The following LRRC4C variants were observed in gnomAD, a reference collection of about 807,000 sequenced individuals.
LRRC4C encodes the protein leucine-rich repeat-containing protein 4C.
LRRC4C carries 5 observed loss-of-function variants against 33.6 expected under a neutral mutation model. That is an observed-to-expected ratio of 0.15 (90% CI 0.08 to 0.31). The LOEUF is 0.31. Ranked by LOEUF, LRRC4C falls within the 10% of genes least tolerant of loss-of-function variation. LRRC4C has a pLI of 1.00. For missense variants in LRRC4C, 560 were observed against 796.7 expected, an observed-to-expected ratio of 0.70 and a Z score of 3.58; for synonymous variants, 329 against 302.0, an observed-to-expected ratio of 1.09 and a Z score of -0.93.
intron 5 of LRRC4C, among the ~76,000 whole-genome samples, chr11:40,214,247 TC>T (rs1863813767): frequency 6.6e-6 from 1 of 152,166 alleles, no homozygotes; most frequent in Non-Finnish European, 1.5e-5. Flanking sequence ...TCTTACACAT[TC>T]CCTCTGAAGC....
chr11:41,442,929 C>A (rs1374870542), intron 1 of LRRC4C, among the ~76,000 whole-genome samples: 1 of 152,014 alleles, frequency 6.6e-6, no homozygotes, highest in Non-Finnish European at 1.5e-5. Context: ...GCAGAAAATG[C>A]TTTTGAGGCA....
intron 5 of LRRC4C, among the ~76,000 whole-genome samples, chr11:40,230,832 C>A (rs932531992): frequency 1.3e-5 from 2 of 152,150 alleles, no homozygotes; most frequent in Non-Finnish European, 2.9e-5. Flanking sequence ...TTCTAGTCTT[C>A]TCTATTTAGT....
At chr11:40,570,162 A>G (rs1382669860) in intron 3 of LRRC4C, among the ~76,000 whole-genome samples, 12 of 152,154 alleles carry the variant, frequency 7.9e-5, no homozygotes, top group Non-Finnish European at 1.8e-4. Flanking sequence ...GAAAACATGT[A>G]CCAAAATAGT....
chr11:40,387,046 C>T (rs558952744), intron 3 of LRRC4C, among the ~76,000 whole-genome samples: 16 of 152,052 alleles, frequency 1.1e-4, no homozygotes, highest in Middle Eastern at 3.4e-3. Flanking sequence ...ACTTGGATGT[C>T]GTAATTTGGA....
intron 3 of LRRC4C, among the ~76,000 whole-genome samples, chr11:40,606,905 C>A (rs535373575): frequency 1.6e-4 from 24 of 152,032 alleles, no homozygotes; most frequent in African/African-American, 5.8e-4. Context: ...CACAGAGACA[C>A]GTTATAACAA....
chr11:40,670,837 C>G lies in LRRC4C; in HGVS notation c.-406-22559G>C, dbSNP rs144597431. Among the ~76,000 whole-genome samples the G allele has an allele frequency of 6.5e-3, 986 of 152,290 alleles. 6 individuals are homozygous for G. The highest frequency in any genetic ancestry group is 0.01 in the Non-Finnish European group (684 of 68,020). On this transcript the variant is annotated intron_variant, in intron 2 of 6. Transcript: ENST00000528697. The stretch of plus-strand genomic sequence containing the variant: ...GGAGTGCAGTGACGCATCCTCGGCT[C>G]ACTGCAAGCTCCGCCTCCCGGGTTC...
At chr11:40,488,581 CTTG>C (rs1181637552) in intron 3 of LRRC4C, among the ~76,000 whole-genome samples, 4 of 152,084 alleles carry the variant, frequency 2.6e-5, no homozygotes, top group South Asian at 2.1e-4. Context: ...TACATTTGAA[CTTG>C]TTGTCTGTGG....
At chr11:41,212,656 T>A (rs141663240) in intron 1 of LRRC4C, among the ~76,000 whole-genome samples, 142 of 152,112 alleles carry the variant, frequency 9.3e-4, no homozygotes, top group East Asian at 3.9e-3. Context: ...AGTGAGAACA[T>A]CCAGTGTTTG....
In LRRC4C at chr11:40,410,563, C is replaced by T. The variant is rs574338254; in HGVS notation, c.-269-90842G>A. ...TATATCTTATTGAGTTCATGTTTTC[C>T]GTTCTTTTTATTTCCCTGCTTCTCT... On this transcript the variant is annotated intron_variant, in intron 3 of 6. Coordinates refer to ENST00000528697, the MANE Select transcript of LRRC4C (RefSeq NM_001258419.2). Among the ~76,000 whole-genome samples, 63 of 152,046 alleles carry T rather than the reference C, an allele frequency of 4.1e-4. 1 individual carries two copies. In the South Asian group the frequency reaches 0.01, roughly 25 times the overall value.
chr11:40,675,773 C>A (rs1214261559), intron 2 of LRRC4C, among the ~76,000 whole-genome samples: 1 of 152,068 alleles, frequency 6.6e-6, no homozygotes, highest in Non-Finnish European at 1.5e-5. Flanking sequence ...CTTTTGAATG[C>A]CTAGGTATCT....
chr11:40,472,388 A>G (rs1952985677), intron 3 of LRRC4C, among the ~76,000 whole-genome samples: 1 of 150,650 alleles, frequency 6.6e-6, no homozygotes. Context: ...TTAAGACAGA[A>G]ATAAATAAGT....
intron 1 of LRRC4C, among the ~76,000 whole-genome samples, chr11:41,389,225 A>G (rs566544087): frequency 6.6e-6 from 1 of 151,956 alleles, no homozygotes; most frequent in East Asian, 2.0e-4. Flanking sequence ...ATCCATATAC[A>G]TGTAGGTCCC....
chr11:40,695,619 C>T (rs560470100), intron 2 of LRRC4C, among the ~76,000 whole-genome samples: 1 of 152,222 alleles, frequency 6.6e-6, no homozygotes, highest in African/African-American at 2.4e-5. Flanking sequence ...ATGGCAGCAC[C>T]AGCTGTTTTC....
intron 2 of LRRC4C, among the ~76,000 whole-genome samples, chr11:40,724,565 G>A (rs1278936224): frequency 6.6e-6 from 1 of 152,072 alleles, no homozygotes; most frequent in Non-Finnish European, 1.5e-5. Context: ...ATAAATGAAA[G>A]CAGAAAACAC....
intron 3 of LRRC4C, among the ~76,000 whole-genome samples, chr11:40,419,132 TAAAAA>T (rs1950434495): frequency 6.7e-6 from 1 of 149,812 alleles, no homozygotes; most frequent in South Asian, 2.1e-4. Context: ...GAACTTAAAA[TAAAAA>T]GAAAAGAAAG....
At chr11:40,451,838 C>T (rs1351925867) in intron 3 of LRRC4C, among the ~76,000 whole-genome samples, 1 of 152,084 alleles carries the variant, frequency 6.6e-6, no homozygotes, top group Non-Finnish European at 1.5e-5. Context: ...AGGAACAACT[C>T]CAGTCTATAG....
chr11:40,608,891 A>G (rs1472560981), intron 3 of LRRC4C, among the ~76,000 whole-genome samples: 1 of 152,176 alleles, frequency 6.6e-6, no homozygotes, highest in Non-Finnish European at 1.5e-5. Flanking sequence ...TTATACATGT[A>G]TATACTATCA....
rs934921571 is a variant in LRRC4C at position 40,487,111 on chromosome 11, G to A, written c.-270+161031C>T. Among the ~76,000 whole-genome samples the A allele has an allele frequency of 4.6e-5, 7 of 152,150 alleles. No homozygotes were observed. In the South Asian group the frequency reaches 1.5e-3, roughly 32 times the overall value. On this transcript the variant is annotated intron_variant, in intron 3 of 6. Transcript: ENST00000528697. ...GAGTTGGACTACGAACTTGATGGCT[G>A]AAGCTTTAGCTACTATCCGTGAACT... is the stretch of plus-strand genomic sequence containing the variant.
intron 2 of LRRC4C, among the ~76,000 whole-genome samples, chr11:40,924,122 G>GTGTATATA (rs370589025): frequency 2.1e-5 from 3 of 145,254 alleles, no homozygotes; most frequent in Non-Finnish European, 3.0e-5. Flanking sequence ...GTGTGTGTGT[G>GTGTATATA]TATATATATA....
Sources: gnomAD v4.1 joint callset for allele counts (sites outside exome capture counted in the v4.1 genomes callset) on GRCh38, gnomAD v4.1.1 for gene constraint, MANE v1.5 for transcripts, NCBI Gene and HGNC (gene_info 2026-07-23, HGNC 2026-07-21) for gene names.